Variants in ITPR2 observed in about 807,000 individuals in gnomAD.
ITPR2 encodes the protein inositol 1,4,5-trisphosphate receptor type 2.
In ITPR2, 207 loss-of-function variants were observed where a neutral mutation model predicts 317.1. The ratio of observed to expected loss-of-function variants is 0.65; its 90% CI spans 0.58 to 0.73. The LOEUF (loss-of-function observed/expected upper bound fraction) is 0.73. ITPR2 is among the 30% of genes least tolerant of loss of function. The probability of loss-of-function intolerance (pLI) is 0.00; values close to 1 mark genes in which losing one functional copy is unlikely to be tolerated. For synonymous variants in ITPR2, 1,156 were observed against 1,149.1 expected (o/e 1.01, Z -0.12); for missense variants, 2,613 against 3,284.0 (o/e 0.80, Z 4.99).
intron 23 of ITPR2, among the ~76,000 whole-genome samples, chr12:26,626,532 G>A (rs991061619): frequency 5.3e-5 from 8 of 152,190 alleles, no homozygotes; most frequent in Non-Finnish European, 7.3e-5. Flanking sequence ...TACTGTCAAT[G>A]CAACCGCCAG....
At chr12:26,515,425 T>TA (rs1943459437) in intron 37 of ITPR2, among the ~76,000 whole-genome samples, 1 of 152,136 alleles carries the variant, frequency 6.6e-6, no homozygotes, top group Non-Finnish European at 1.5e-5. Context: ...GCCCTGATAT[T>TA]AAACTGCTAT....
At chr12:26,828,104 G>GA (rs1380888410) in intron 1 of ITPR2, among the ~76,000 whole-genome samples, 1 of 152,128 alleles carries the variant, frequency 6.6e-6, no homozygotes, top group African/African-American at 2.4e-5. Flanking sequence ...ATACTGACAT[G>GA]AAAAAAGAAT....
rs778237310 is a variant in ITPR2, at chr12:26,336,343, G to A, written c.*3054C>T. On this transcript the variant is annotated 3_prime_UTR_variant, in exon 57 of 57. Coordinates refer to ENST00000381340, the MANE Select transcript of ITPR2 (RefSeq NM_002223.4). The stretch of plus-strand genomic sequence containing the variant: ...GAGCAGCCAAAACAGGGAGTTATGA[G>A]CTGAGAATATGGGAATAAGCACACA... Among the ~76,000 whole-genome samples the A allele has an allele frequency of 6.6e-6, 1 of 152,170 alleles. No homozygotes were observed. Among genetic ancestry groups the A allele is most frequent in the Non-Finnish European group, 1.5e-5 (1 of 68,028 alleles).
chr12:26,596,521 C>T (rs1945849527), intron 31 of ITPR2, among the ~76,000 whole-genome samples: 1 of 152,008 alleles, frequency 6.6e-6, no homozygotes, highest in Admixed American at 6.6e-5. Flanking sequence ...GTGGCACATG[C>T]CTGTAATCCC....
intron 55 of ITPR2, among the ~76,000 whole-genome samples, chr12:26,383,457 T>G (rs753681320): frequency 2.0e-5 from 3 of 150,866 alleles, no homozygotes; most frequent in Non-Finnish European, 4.4e-5. Context: ...CAGAACTTAT[T>G]CTATGTTTTT....
At chr12:26,775,561 T>C (rs2137163707) in intron 2 of ITPR2, among the ~76,000 whole-genome samples, 1 of 152,314 alleles carries the variant, frequency 6.6e-6, no homozygotes, top group South Asian at 2.1e-4. Context: ...ATGGTTAATA[T>C]TAAGTGTCAA....
At chr12:26,423,458 A>T (rs1434642736) in intron 49 of ITPR2, among the ~76,000 whole-genome samples, 3 of 152,178 alleles carry the variant, frequency 2.0e-5, no homozygotes, top group Non-Finnish European at 2.9e-5. Flanking sequence ...CCAACTTATT[A>T]AATGAATTAC....
intron 55 of ITPR2, among the ~76,000 whole-genome samples, chr12:26,380,364 T>C (rs1038335120): frequency 2.0e-5 from 3 of 152,134 alleles, no homozygotes; most frequent in African/African-American, 4.8e-5. Context: ...ACAGATCCCA[T>C]AGTGACAATA....
intron 2 of ITPR2, among the ~76,000 whole-genome samples, chr12:26,733,825 T>C (rs1238948143): frequency 6.6e-6 from 1 of 152,186 alleles, no homozygotes; most frequent in East Asian, 1.9e-4. Context: ...TTTCCCATTC[T>C]CAATGTGCCA....
intron 2 of ITPR2, among the ~76,000 whole-genome samples, chr12:26,768,306 C>T (rs1949761953): frequency 6.7e-6 from 1 of 150,374 alleles, no homozygotes; most frequent in African/African-American, 2.4e-5. Flanking sequence ...GGAGATATAC[C>T]TAATGATAGA....
At chr12:26,600,435 C>A (rs1945969330) in intron 28 of ITPR2, among the ~76,000 whole-genome samples, 1 of 152,020 alleles carries the variant, frequency 6.6e-6, no homozygotes, top group South Asian at 2.1e-4. Flanking sequence ...ACATAGCCAC[C>A]TTTTCCTCCT....
At chr12:26,723,460 GA>G (rs1713410857) in intron 4 of ITPR2, among the ~76,000 whole-genome samples, 1 of 152,092 alleles carries the variant, frequency 6.6e-6, no homozygotes, top group Non-Finnish European at 1.5e-5. Context: ...TACTTGACAA[GA>G]AACATAAGTT....
At chr12:26,609,674 TAA>T (rs1314222655) in intron 26 of ITPR2, among the ~76,000 whole-genome samples, 1 of 152,126 alleles carries the variant, frequency 6.6e-6, no homozygotes, top group Non-Finnish European at 1.5e-5. Flanking sequence ...AGGGAAATAC[TAA>T]GTTTATACTC....
At chr12:26,456,993 T>C (rs979412529) in intron 45 of ITPR2, among the ~76,000 whole-genome samples, 4 of 152,208 alleles carry the variant, frequency 2.6e-5, no homozygotes, top group Non-Finnish European at 5.9e-5. Context: ...TCTATAATTG[T>C]TAATGAACCT....
At chr12:26,737,972 GGAATAATAACAAA>G (rs956786374) in intron 2 of ITPR2, among the ~76,000 whole-genome samples, 7 of 151,940 alleles carry the variant, frequency 4.6e-5, no homozygotes, top group Admixed American at 4.6e-4. Context: ...AAAGGTAGAA[GGAATAATAACAAA>G]GAAACACGCT....
chr12:26,627,595 G>A (rs549191072), intron 23 of ITPR2, among the ~76,000 whole-genome samples: 95 of 152,290 alleles, frequency 6.2e-4, no homozygotes, highest in African/African-American at 2.1e-3. Context: ...CTTTGATGTC[G>A]TTAGTGGAGA....
chr12:26,732,788 C>T lies in ITPR2; in HGVS notation c.164-7023G>A, dbSNP rs78592736. 9.5e-3 allele frequency among the ~76,000 whole-genome samples: 1,440 copies of T among 152,270 alleles called. 14 individuals are homozygous for T. The highest frequency in any genetic ancestry group is 0.023 in the South Asian group (111 of 4,824). On this transcript the variant is annotated intron_variant, in intron 2 of 56. Coordinates refer to ENST00000381340, the MANE Select transcript of ITPR2 (RefSeq NM_002223.4). ...AATGCTGTTCGTAATTCTACATGTA[C>T]CTCAAGGCCATTTAGAACAAATCTA...
At chr12:26,787,519 C>T (rs1950275564) in intron 2 of ITPR2, among the ~76,000 whole-genome samples, 1 of 152,150 alleles carries the variant, frequency 6.6e-6, no homozygotes, top group Non-Finnish European at 1.5e-5. Context: ...CCCTTAGATA[C>T]TCTAAAATAA....
chr12:26,828,778 A>G (rs1951049397), intron 1 of ITPR2, among the ~76,000 whole-genome samples: 1 of 152,220 alleles, frequency 6.6e-6, no homozygotes, highest in Admixed American at 6.5e-5. Flanking sequence ...AGGATAAAGT[A>G]GCTTGGTTTA....
Sources: allele counts gnomAD v4.1 joint callset (sites outside exome capture counted in the v4.1 genomes callset), GRCh38; gene constraint gnomAD v4.1.1; transcripts MANE v1.5; gene names NCBI Gene and HGNC (gene_info 2026-07-23, HGNC 2026-07-21).